The following RAP1GDS1 variants were observed in gnomAD, a reference collection of about 807,000 sequenced individuals.
RAP1GDS1 encodes the protein RAP1, GTP-GDP dissociation stimulator 1.
RAP1GDS1 carries 35 observed loss-of-function variants against 71.1 expected under a neutral mutation model. The ratio of observed to expected loss-of-function variants is 0.49; its 90% CI spans 0.38 to 0.65. The LOEUF is 0.65. Ranked by LOEUF, RAP1GDS1 falls within the 30% of genes least tolerant of loss-of-function variation. RAP1GDS1 has a pLI of 0.00. For missense variants in RAP1GDS1, 663 were observed against 706.1 expected (o/e 0.94, Z 0.69); for synonymous variants, 229 against 243.1 (o/e 0.94, Z 0.54).
intron 4 of RAP1GDS1, among the ~76,000 whole-genome samples, chr4:98,353,321 C>A (rs959299745): frequency 1.3e-5 from 2 of 152,110 alleles, no homozygotes; most frequent in African/African-American, 2.4e-5. Context: ...TTATCATTCA[C>A]CTGTAATGCC....
intron 1 of RAP1GDS1, among the ~76,000 whole-genome samples, chr4:98,279,793 G>A (rs1724785880): frequency 6.6e-6 from 1 of 152,066 alleles, no homozygotes; most frequent in African/African-American, 2.4e-5. Context: ...CGTGTGTGAT[G>A]TTCCCTGCCC....
chr4:98,279,217 C>CT (rs1225220939), intron 1 of RAP1GDS1, among the ~76,000 whole-genome samples: 4 of 151,962 alleles, frequency 2.6e-5, no homozygotes, highest in Non-Finnish European at 5.9e-5. Flanking sequence ...GAGCAAGACT[C>CT]TGTCTTAAAA....
chr4:98,402,531 A>G (rs1745581931), intron 6 of RAP1GDS1, among the ~76,000 whole-genome samples: 1 of 152,064 alleles, frequency 6.6e-6, no homozygotes, highest in Non-Finnish European at 1.5e-5. Flanking sequence ...TTTTTGTGAC[A>G]TTAAAGAATC....
intron 14 of RAP1GDS1, 29 bp downstream of exon 14, chr4:98,437,097 A>G (rs762983305): frequency 1.8e-5 from 28 of 1,553,462 alleles, no homozygotes; most frequent in Non-Finnish European, 2.3e-5. Flanking sequence ...TTTGATGTCC[A>G]TAAACATATG....
intron 12 of RAP1GDS1, among the ~76,000 whole-genome samples, chr4:98,431,346 A>C (rs1750382428): frequency 6.6e-6 from 1 of 152,230 alleles, no homozygotes; most frequent in Non-Finnish European, 1.5e-5. Flanking sequence ...AGCCTATCTG[A>C]AAATATTCCG....
At position 98,329,799 on chromosome 4, in the gene RAP1GDS1, A is replaced by T. The variant is rs1232580234; in HGVS notation, c.113-13340A>T. Among the ~76,000 whole-genome samples, 3 of 151,536 alleles carry T rather than the reference A, an allele frequency of 2.0e-5. No homozygotes were observed. In the East Asian group the frequency reaches 5.8e-4, roughly 29 times the overall value. ...GTGAGACTCCATCTCAAAAAAAAAA[A>T]AAAAAAAAAAAAGTGCCCATTAGGG... On this transcript the variant is annotated intron_variant, in intron 2 of 14. Transcript: ENST00000408927.
At chr4:98,280,678 C>T (rs1346389198) in intron 1 of RAP1GDS1, among the ~76,000 whole-genome samples, 3 of 151,978 alleles carry the variant, frequency 2.0e-5, no homozygotes, top group African/African-American at 7.2e-5. Context: ...TCATGAAGTC[C>T]TTGCCCATGC....
chr4:98,334,640 T>C (rs1704379109), intron 2 of RAP1GDS1, among the ~76,000 whole-genome samples: 1 of 152,176 alleles, frequency 6.6e-6, no homozygotes, highest in Admixed American at 6.5e-5. Context: ...TGATCTGAGA[T>C]CCTAACTTTT....
intron 1 of RAP1GDS1, among the ~76,000 whole-genome samples, chr4:98,286,200 G>A (rs1037664254): frequency 2.6e-5 from 4 of 151,612 alleles, no homozygotes; most frequent in African/African-American, 7.3e-5. Context: ...AGGAAGTTAA[G>A]GTTGCAGTGA....
At chr4:98,380,427 T>C (rs1281646181) in intron 5 of RAP1GDS1, among the ~76,000 whole-genome samples, 1 of 151,816 alleles carries the variant, frequency 6.6e-6, no homozygotes, top group African/African-American at 2.4e-5. Flanking sequence ...GCTACCAGTT[T>C]TAAGCCTTTG....
chr4:98,361,021 G>C (rs535703911), intron 4 of RAP1GDS1, among the ~76,000 whole-genome samples: 3 of 148,632 alleles, frequency 2.0e-5, no homozygotes, highest in Non-Finnish European at 4.4e-5. Flanking sequence ...AGGAGGCAGT[G>C]ATTTAAGATC....
intron 1 of RAP1GDS1, among the ~76,000 whole-genome samples, chr4:98,261,812 G>C (rs558213291): frequency 6.6e-6 from 1 of 152,092 alleles, no homozygotes; most frequent in South Asian, 2.1e-4. Flanking sequence ...CCGGCTCCCC[G>C]GCACCTCGCA....
At chr4:98,363,014 A>G (rs1447595368) in intron 4 of RAP1GDS1, among the ~76,000 whole-genome samples, 1 of 152,146 alleles carries the variant, frequency 6.6e-6, no homozygotes, top group East Asian at 1.9e-4. Context: ...ACAAGTAAAT[A>G]CTACAGAAAA....
chr4:98,287,368 C>T, intron 1 of RAP1GDS1, among the ~76,000 whole-genome samples: 1 of 152,162 alleles, frequency 6.6e-6, no homozygotes, highest in East Asian at 1.9e-4. Flanking sequence ...AACTGCTTGA[C>T]TCACACATAG....
At chr4:98,333,014 G>T (rs983536270) in intron 2 of RAP1GDS1, among the ~76,000 whole-genome samples, 1 of 151,914 alleles carries the variant, frequency 6.6e-6, no homozygotes, top group South Asian at 2.1e-4. Flanking sequence ...CTTAAATAAC[G>T]CACCATCTTT....
At chr4:98,317,150 T>G (rs1401938315) in intron 2 of RAP1GDS1, among the ~76,000 whole-genome samples, 1 of 152,098 alleles carries the variant, frequency 6.6e-6, no homozygotes, top group East Asian at 1.9e-4. Context: ...TCCATCACAC[T>G]TTTTTACCCT....
At chr4:98,262,853 C>G (rs1722225119) in intron 1 of RAP1GDS1, among the ~76,000 whole-genome samples, 1 of 152,174 alleles carries the variant, frequency 6.6e-6, no homozygotes, top group African/African-American at 2.4e-5. Flanking sequence ...TTGATCCCGA[C>G]CTTTGGCCAT....
In RAP1GDS1 at chr4:98,271,541, T is replaced by C. The variant is rs1723458307; in HGVS notation, c.4+9972T>C. Among the ~76,000 whole-genome samples, 3 of 152,276 alleles carry C rather than the reference T, an allele frequency of 2.0e-5. No homozygotes were observed. In the South Asian group the frequency reaches 6.2e-4, roughly 32 times the overall value. On this transcript the variant is annotated intron_variant, in intron 1 of 14. Transcript: ENST00000408927. ...CCATATCCACCATACAGACATAATC[T>C]CATTAGCACATATAATAGTAAAATG...
At chr4:98,337,352 A>C (rs1234705108) in intron 2 of RAP1GDS1, among the ~76,000 whole-genome samples, 1 of 152,244 alleles carries the variant, frequency 6.6e-6, no homozygotes, top group African/African-American at 2.4e-5. Context: ...TTAAATAACA[A>C]TATTTTTCAC....
Sources: allele counts gnomAD v4.1 joint callset (sites outside exome capture counted in the v4.1 genomes callset), GRCh38; gene constraint gnomAD v4.1.1; transcripts MANE v1.5; gene names NCBI Gene and HGNC (gene_info 2026-07-23, HGNC 2026-07-21).